The following SGPP2 variants were observed in gnomAD, a reference collection of about 807,000 sequenced individuals.
The protein encoded by SGPP2 is sphingosine 1-phosphate phosphohydrolase 2.
SGPP2 carries 30 observed loss-of-function variants against 33.9 expected under a neutral mutation model. That is an observed-to-expected ratio of 0.89 (90% CI 0.66 to 1.20). The LOEUF is 1.20. SGPP2 is among the 50% of genes most tolerant of loss of function. SGPP2 has a pLI of 0.00. For missense variants in SGPP2, 458 were observed against 532.1 expected, an observed-to-expected ratio of 0.86 and a Z score of 1.37; for synonymous variants, 233 against 225.0, an observed-to-expected ratio of 1.04 and a Z score of -0.32.
At chr2:222,487,611 AGGTTCAGGAG>A (rs1698131470) in intron 2 of SGPP2, among the ~76,000 whole-genome samples, 1 of 152,136 alleles carries the variant, frequency 6.6e-6, no homozygotes, top group African/African-American at 2.4e-5. Flanking sequence ...AGAAGACACC[AGGTTCAGGAG>A]GCCAAAGAAG....
intron 2 of SGPP2, among the ~76,000 whole-genome samples, chr2:222,514,095 A>AT (rs1157081223): frequency 6.6e-6 from 1 of 152,162 alleles, no homozygotes; most frequent in Non-Finnish European, 1.5e-5. Context: ...TACACATACA[A>AT]TTTTTTAAAT....
intron 1 of SGPP2, among the ~76,000 whole-genome samples, chr2:222,436,607 A>C (rs1291351944): frequency 1.3e-5 from 2 of 152,284 alleles, no homozygotes; most frequent in African/African-American, 4.8e-5. Flanking sequence ...ATACTTCTTT[A>C]GCCGTAAAGT....
chr2:222,562,515 T>G lies in SGPP2; in HGVS notation c.*3617T>G, dbSNP rs939142479. On this transcript the variant is annotated 3_prime_UTR_variant, in exon 5 of 5. Transcript: ENST00000321276. ...GTTTTGGGGCCATATGCACCAGGTT[T>G]CTATTTTAGAAACCTTCAGCTGTCT... Among the ~76,000 whole-genome samples, 2 of 152,230 alleles carry G rather than the reference T, an allele frequency of 1.3e-5. No homozygotes were observed. Among genetic ancestry groups the G allele is most frequent in the Non-Finnish European group, 2.9e-5 (2 of 68,042 alleles).
intron 1 of SGPP2, among the ~76,000 whole-genome samples, chr2:222,449,690 A>G (rs920980340): frequency 6.6e-6 from 1 of 152,146 alleles, no homozygotes; most frequent in African/African-American, 2.4e-5. Context: ...AATTCTTATC[A>G]CAAGGACTGT....
At chr2:222,511,082 A>G (rs1417913790) in intron 2 of SGPP2, among the ~76,000 whole-genome samples, 1 of 152,202 alleles carries the variant, frequency 6.6e-6, no homozygotes. Context: ...TAGACATGGT[A>G]CACACTGTCA....
At chr2:222,493,578 C>G (rs1011666358) in intron 2 of SGPP2, among the ~76,000 whole-genome samples, 24 of 152,288 alleles carry the variant, frequency 1.6e-4, no homozygotes, top group African/African-American at 5.3e-4. Context: ...TACAGCAGTC[C>G]TCCCGCCTTG....
At chr2:222,509,154 A>G (rs1326305070) in intron 2 of SGPP2, among the ~76,000 whole-genome samples, 3 of 152,180 alleles carry the variant, frequency 2.0e-5, no homozygotes, top group South Asian at 2.1e-4. Context: ...TGAACATTGA[A>G]TAGACAAAAA....
In SGPP2 at chr2:222,493,659, A is replaced by G. The variant is rs919698105; in HGVS notation, c.378+18933A>G. 2.0e-5 allele frequency among the ~76,000 whole-genome samples: 3 copies of G among 152,230 alleles called. No individual in the cohort carries two copies. The East Asian group carries it at 5.8e-4, about 29-fold the overall frequency. ...CCTAAATGTATTCTTAACTAAGTCT[A>G]ACATTAATTTTGTAAAGCATTAATA... On this transcript the variant is annotated intron_variant, in intron 2 of 4. Transcript: ENST00000321276.
intron 2 of SGPP2, among the ~76,000 whole-genome samples, chr2:222,484,121 AAAG>A (rs1430617794): frequency 1.3e-5 from 2 of 152,258 alleles, no homozygotes; most frequent in South Asian, 4.1e-4. Context: ...GGTTTAAAAA[AAAG>A]AAAGCTCTTA....
rs186367061 is a variant in SGPP2 at position 222,556,796 on chromosome 2, T to C, written c.649-1551T>C. Among the ~76,000 whole-genome samples the C allele has an allele frequency of 2.1e-3, 4 of 1,920 alleles. 1 individual carries two copies. Among genetic ancestry groups the C allele is most frequent in the South Asian group, 0.12 (1 of 8 alleles). The allele number at this position is 1,920 out of a possible 152,430, so 1.3% of individuals were successfully genotyped here. A position where few individuals can be genotyped will look rare whatever the true frequency, so the allele number is the denominator to read the frequency against. ...CTCCTCCCCATCCACCCTCACTCCT[T>C]CCCCATCCACCCTCACTCCTCCCCA... On this transcript the variant is annotated intron_variant, in intron 4 of 4. Transcript: ENST00000321276.
In SGPP2 at chr2:222,465,898, A is replaced by G. The variant is rs141846912; in HGVS notation, c.220-8670A>G. Among the ~76,000 whole-genome samples, 545 of 152,322 alleles carry G rather than the reference A, an allele frequency of 3.6e-3. 4 individuals carry two copies. The highest frequency in any genetic ancestry group is 0.012 in the African/African-American group (514 of 41,570). On this transcript the variant is annotated intron_variant, in intron 1 of 4. Coordinates refer to ENST00000321276, the MANE Select transcript of SGPP2 (RefSeq NM_152386.4). The surrounding 1 kb of genome is among the most constrained non-coding windows in gnomAD (Gnocchi z 4.1). ...CAACACCTCTCCTTATCCAGGGCTC[A>G]GCTCAAATGGCTCCTCTGTGGCAAG... is the stretch of plus-strand genomic sequence containing the variant.
intron 3 of SGPP2, among the ~76,000 whole-genome samples, chr2:222,524,271 TTACTACAG>T (rs1204147209): frequency 6.6e-6 from 1 of 152,254 alleles, no homozygotes; most frequent in East Asian, 1.9e-4. Flanking sequence ...TTTGATCTTC[TTACTACAG>T]TATACCACAG....
chr2:222,559,095 G>T lies in SGPP2; in HGVS notation c.*197G>T. The T allele has an allele frequency of 1.8e-6, 1 of 540,886 alleles. No homozygotes were observed. The highest frequency in any genetic ancestry group is 3.2e-6 in the Non-Finnish European group (1 of 310,486). 33.5% of individuals were successfully genotyped at this position (540,886 alleles called of 1,614,324 possible). ...TAGCGGTCATTGGTCGTCCGTGGTG[G>T]TTGGTTGTGCTACAGTTGAACCCAG... On this transcript the variant is annotated 3_prime_UTR_variant, in exon 5 of 5. Coordinates refer to ENST00000321276, the MANE Select transcript of SGPP2 (RefSeq NM_152386.4).
chr2:222,476,056 A>G lies in SGPP2; in HGVS notation c.378+1330A>G, dbSNP rs1240710446. ...TGAAGATCAACCAACTCTAAGGTCA[A>G]AGGTTATTTAGCTGGTGGAGGGAAC... On this transcript the variant is annotated intron_variant, in intron 2 of 4. Transcript: ENST00000321276. This position sits in a 1 kb window ranked among gnomAD's most constrained non-coding sequence, Gnocchi z 4.3. 6.6e-6 allele frequency among the ~76,000 whole-genome samples: 1 copy of G among 152,208 alleles called. No individual in the cohort carries two copies. Among genetic ancestry groups the G allele is most frequent in the African/African-American group, 2.4e-5 (1 of 41,456 alleles).
chr2:222,444,235 G>A (rs1050748226), intron 1 of SGPP2, among the ~76,000 whole-genome samples: 1 of 152,166 alleles, frequency 6.6e-6, no homozygotes, highest in Non-Finnish European at 1.5e-5. Context: ...ACTCTAGTTT[G>A]AGCTAATCAT....
chr2:222,464,344 A>T (rs1308174416), intron 1 of SGPP2, among the ~76,000 whole-genome samples: 1 of 152,260 alleles, frequency 6.6e-6, no homozygotes. Flanking sequence ...CTCTAGCAGA[A>T]GTTCACATTC....
chr2:222,473,140 T>C (rs1184641090), intron 1 of SGPP2, among the ~76,000 whole-genome samples: 2 of 152,244 alleles, frequency 1.3e-5, no homozygotes, highest in Non-Finnish European at 2.9e-5. Flanking sequence ...AGAAGCAAGA[T>C]AGAGTCAGCC....
intron 1 of SGPP2, among the ~76,000 whole-genome samples, chr2:222,457,829 C>A (rs1262665825): frequency 6.6e-6 from 1 of 152,112 alleles, no homozygotes; most frequent in Non-Finnish European, 1.5e-5. Flanking sequence ...GGGGCAGAGA[C>A]CTGTGCAGGC....
At chr2:222,436,956 G>A (rs544215424) in intron 1 of SGPP2, among the ~76,000 whole-genome samples, 3 of 152,304 alleles carry the variant, frequency 2.0e-5, no homozygotes, top group Non-Finnish European at 2.9e-5. Flanking sequence ...GGGCCCATGC[G>A]TAACCTCCAT....
Sources: gnomAD v4.1 joint callset for allele counts (sites outside exome capture counted in the v4.1 genomes callset) on GRCh38, gnomAD v4.1.1 for gene constraint, Gnocchi (gnomAD v3.1) non-coding constraint, MANE v1.5 for transcripts, NCBI Gene and HGNC (gene_info 2026-07-23, HGNC 2026-07-21) for gene names.